Variants in RBMS1 observed in about 807,000 individuals in gnomAD.
RBMS1 encodes the protein RNA binding motif single stranded interacting protein 1.
In RBMS1, 17 loss-of-function variants were observed where a neutral mutation model predicts 62.3. That is an observed-to-expected ratio of 0.27 (90% CI 0.19 to 0.41). The LOEUF (loss-of-function observed/expected upper bound fraction) is 0.41, where lower values mean the gene tolerates loss of function less well. RBMS1 is among the 10% of genes least tolerant of loss of function. RBMS1 has a pLI of 1.00. For synonymous variants in RBMS1, 172 were observed against 170.0 expected, an observed-to-expected ratio of 1.01 and a Z score of -0.09; for missense variants, 334 against 504.5, an observed-to-expected ratio of 0.66 and a Z score of 3.24.
At chr2:160,326,539 G>A (rs1202196201) in intron 2 of RBMS1, among the ~76,000 whole-genome samples, 1 of 152,096 alleles carries the variant, frequency 6.6e-6, no homozygotes, top group Non-Finnish European at 1.5e-5. Context: ...AAGTCTTGGA[G>A]GACTCTGCAT....
At chr2:160,390,862 T>C (rs548482046) in intron 1 of RBMS1, among the ~76,000 whole-genome samples, 27 of 145,354 alleles carry the variant, frequency 1.9e-4, no homozygotes, top group African/African-American at 5.6e-4. Flanking sequence ...TAAAGAAATA[T>C]CTTCTAACTG....
intron 5 of RBMS1, among the ~76,000 whole-genome samples, chr2:160,301,374 A>G (rs1372101708): frequency 6.6e-6 from 1 of 152,206 alleles, no homozygotes; most frequent in East Asian, 1.9e-4. Context: ...ATTGCTGGGA[A>G]CTTAAATTAC....
At chr2:160,298,917 A>T (rs566028834) in intron 6 of RBMS1, among the ~76,000 whole-genome samples, 1 of 151,156 alleles carries the variant, frequency 6.6e-6, no homozygotes, top group Non-Finnish European at 1.5e-5. Context: ...ATTCGGGGAG[A>T]AGACAGCCAT....
intron 4 of RBMS1, among the ~76,000 whole-genome samples, chr2:160,311,076 C>G (rs1012746374): frequency 1.3e-5 from 2 of 151,440 alleles, no homozygotes; most frequent in African/African-American, 2.4e-5. Flanking sequence ...TGCCTGTAAT[C>G]CCAGCTACTC....
intron 2 of RBMS1, among the ~76,000 whole-genome samples, chr2:160,343,690 T>G (rs1692015630): frequency 6.6e-6 from 1 of 152,184 alleles, no homozygotes; most frequent in Non-Finnish European, 1.5e-5. Context: ...CATCTGTGAT[T>G]GTAAAATACT....
rs139250684 is a variant in RBMS1 at position 160,392,416 on chromosome 2, C to T, written c.76-25025G>A. Among the ~76,000 whole-genome samples, 237 of 151,302 alleles carry T rather than the reference C, an allele frequency of 1.6e-3. 1 individual carries two copies. The highest frequency in any genetic ancestry group is 5.6e-3 in the African/African-American group (232 of 41,264). The stretch of plus-strand genomic sequence containing the variant: ...AGTGCTGAGTAATTGTGACAGAGAC[C>T]TTATGGCCTACAAAGCTTAAAATAT... On this transcript the variant is annotated intron_variant, in intron 1 of 13. Coordinates refer to ENST00000348849, the MANE Select transcript of RBMS1 (RefSeq NM_016836.4).
chr2:160,322,329 A>G (rs1192024109), intron 2 of RBMS1, among the ~76,000 whole-genome samples: 3 of 152,232 alleles, frequency 2.0e-5, no homozygotes, highest in Non-Finnish European at 4.4e-5. Context: ...AAGAAGGGTA[A>G]TGGAAGGTCT....
intron 3 of RBMS1, among the ~76,000 whole-genome samples, chr2:160,315,379 A>G (rs1220672187): frequency 6.6e-6 from 1 of 152,184 alleles, no homozygotes. Flanking sequence ...AAATAGGTGT[A>G]AAGACGTTTT....
intron 2 of RBMS1, among the ~76,000 whole-genome samples, chr2:160,324,901 T>TAC (rs1241964451): frequency 3.0e-4 from 36 of 118,762 alleles, no homozygotes; most frequent in African/African-American, 1.2e-3. Flanking sequence ...TATATATATA[T>TAC]ATATATACAC....
chr2:160,447,531 G>C (rs1182898943), intron 1 of RBMS1, among the ~76,000 whole-genome samples: 2 of 152,186 alleles, frequency 1.3e-5, no homozygotes, highest in Non-Finnish European at 2.9e-5. Context: ...CTTATAAAAG[G>C]ATAAAAGCAC....
At chr2:160,379,640 A>G (rs982251804) in intron 1 of RBMS1, among the ~76,000 whole-genome samples, 8 of 152,112 alleles carry the variant, frequency 5.3e-5, no homozygotes, top group African/African-American at 1.7e-4. Context: ...CGGATGCAAC[A>G]TTTTTTCTTT....
At chr2:160,367,603 C>T (rs1269586090) in intron 1 of RBMS1, 4 of 798,406 alleles carry the variant, frequency 5.0e-6, no homozygotes, top group Non-Finnish European at 7.2e-6. Flanking sequence ...AGTAAAAGTT[C>T]TCTATGTGCA....
At chr2:160,488,238 G>A (rs576954755) in intron 1 of RBMS1, among the ~76,000 whole-genome samples, 1 of 152,242 alleles carries the variant, frequency 6.6e-6, no homozygotes, top group East Asian at 1.9e-4. Flanking sequence ...CCTCTCATGA[G>A]GCACAGCTGA....
intron 3 of RBMS1, among the ~76,000 whole-genome samples, chr2:160,315,328 A>G (rs562892977): frequency 6.6e-6 from 1 of 152,198 alleles, no homozygotes; most frequent in Non-Finnish European, 1.5e-5. Flanking sequence ...AGAAGACAAT[A>G]TACAATTTGA....
At chr2:160,377,380 C>CA (rs1694056147) in intron 1 of RBMS1, among the ~76,000 whole-genome samples, 1 of 152,170 alleles carries the variant, frequency 6.6e-6, no homozygotes, top group Admixed American at 6.5e-5. Context: ...CTGATGTGCA[C>CA]GTGAAGCACC....
At chr2:160,292,420 TGAA>T (rs542590909) in intron 6 of RBMS1, among the ~76,000 whole-genome samples, 1 of 152,156 alleles carries the variant, frequency 6.6e-6, no homozygotes, top group Non-Finnish European at 1.5e-5. Context: ...TGTTTTCAAA[TGAA>T]GAAAAATTCT....
At chr2:160,490,476 T>G (rs1287637362) in intron 1 of RBMS1, among the ~76,000 whole-genome samples, 1 of 152,136 alleles carries the variant, frequency 6.6e-6, no homozygotes, top group Admixed American at 6.5e-5. Flanking sequence ...ACATATTACT[T>G]TTTCTAATGA....
At chr2:160,479,700 C>A (rs544559198) in intron 1 of RBMS1, among the ~76,000 whole-genome samples, 1 of 152,156 alleles carries the variant, frequency 6.6e-6, no homozygotes, top group Non-Finnish European at 1.5e-5. Context: ...TCTGTCTCTA[C>A]ACTCTGGGTA....
At chr2:160,438,457 G>C (rs1459806004) in intron 1 of RBMS1, among the ~76,000 whole-genome samples, 2 of 151,866 alleles carry the variant, frequency 1.3e-5, no homozygotes, top group Non-Finnish European at 2.9e-5. Context: ...GAGTGGTGAT[G>C]ACTCTTAACG....
Sources: allele counts gnomAD v4.1 joint callset (sites outside exome capture counted in the v4.1 genomes callset), GRCh38; gene constraint gnomAD v4.1.1; transcripts MANE v1.5; gene names NCBI Gene and HGNC (gene_info 2026-07-23, HGNC 2026-07-21).